The following KIF13B variants were observed in gnomAD, a reference collection of about 807,000 sequenced individuals.
KIF13B encodes the protein kinesin-like protein KIF13B.
KIF13B carries 127 observed loss-of-function variants against 222.0 expected under a neutral mutation model. That is an observed-to-expected ratio of 0.57 (90% CI 0.50 to 0.66). The LOEUF (loss-of-function observed/expected upper bound fraction) is 0.66. Among genes scored for constraint, KIF13B ranks in the 30% least tolerant of loss-of-function variants. The probability of loss-of-function intolerance (pLI) is 0.00; values close to 1 mark genes in which losing one functional copy is unlikely to be tolerated. For missense variants in KIF13B, 2,173 were observed against 2,379.0 expected (o/e 0.91, Z 1.80); for synonymous variants, 976 against 919.0 (o/e 1.06, Z -1.12).
At position 29,070,806 on chromosome 8, in the gene KIF13B, C is replaced by A; in HGVS notation, c.5219-40G>T. On this transcript the variant is annotated intron_variant, in intron 39 of 39. Coordinates refer to ENST00000524189, the MANE Select transcript of KIF13B (RefSeq NM_015254.4). This position sits in a 1 kb window ranked among gnomAD's most constrained non-coding sequence, Gnocchi z 4.1. ...GAGGGTGATATGGAGGGCAGCCGAG[C>A]TGCAGACGGCCCCCTGCACCTCCCT... 1 of 1,569,094 alleles carries A rather than the reference C, an allele frequency of 6.4e-7. No individual in the cohort carries two copies. The highest frequency in any genetic ancestry group is 8.6e-7 in the Non-Finnish European group (1 of 1,157,748).
At chr8:29,188,168 C>G (rs1172027437) in intron 5 of KIF13B, among the ~76,000 whole-genome samples, 2 of 151,796 alleles carry the variant, frequency 1.3e-5, no homozygotes, top group South Asian at 4.2e-4. Flanking sequence ...GAGATATTAA[C>G]AAGTATGTTC....
intron 38 of KIF13B, among the ~76,000 whole-genome samples, chr8:29,072,605 C>G (rs1002364607): frequency 6.6e-6 from 1 of 152,234 alleles, no homozygotes; most frequent in African/African-American, 2.4e-5. Flanking sequence ...CTGCATGGCC[C>G]TGGCTTCCAA....
At chr8:29,123,062 G>A (rs1404343153) in intron 28 of KIF13B, among the ~76,000 whole-genome samples, 2 of 152,136 alleles carry the variant, frequency 1.3e-5, no homozygotes, top group Non-Finnish European at 2.9e-5. Context: ...AGTCTTCTAA[G>A]GGAATGACCC....
chr8:29,156,729 C>T (rs1469088175), intron 13 of KIF13B, among the ~76,000 whole-genome samples: 1 of 149,288 alleles, frequency 6.7e-6, no homozygotes, highest in African/African-American at 2.5e-5. Flanking sequence ...CTATGTTGCT[C>T]AGGTTGATCT....
intron 38 of KIF13B, among the ~76,000 whole-genome samples, chr8:29,073,838 T>C (rs1183419372): frequency 6.6e-6 from 1 of 152,172 alleles, no homozygotes; most frequent in Non-Finnish European, 1.5e-5. Flanking sequence ...TGGCACCTCT[T>C]GAGATTAACA....
At chr8:29,129,302 G>A (rs1209697527) in intron 24 of KIF13B, among the ~76,000 whole-genome samples, 2 of 152,162 alleles carry the variant, frequency 1.3e-5, no homozygotes, top group Non-Finnish European at 2.9e-5. Context: ...AGACTTCGAA[G>A]AAGATACATA....
intron 37 of KIF13B, among the ~76,000 whole-genome samples, chr8:29,088,306 T>G (rs1334102831): frequency 6.6e-6 from 1 of 152,160 alleles, no homozygotes; most frequent in Non-Finnish European, 1.5e-5. Flanking sequence ...TAATACTCAC[T>G]TCATCCAAAA....
intron 10 of KIF13B, among the ~76,000 whole-genome samples, chr8:29,168,774 ACC>A (rs1458239480): frequency 4.6e-5 from 7 of 152,110 alleles, no homozygotes; most frequent in Non-Finnish European, 1.0e-4. Context: ...ATGTGAAACA[ACC>A]CGGCTAGAGC....
At chr8:29,108,340 G>A (rs1211637485) in intron 34 of KIF13B, 148 bp from the exon 35 acceptor site, 1 of 658,550 alleles carries the variant, frequency 1.5e-6, no homozygotes, top group Admixed American at 2.7e-5. Flanking sequence ...GCACACTAGT[G>A]GTCTTTGGGA....
At chr8:29,175,923 TG>T (rs1216433989) in intron 10 of KIF13B, 144 bp downstream of exon 10, 1 of 643,660 alleles carries the variant, frequency 1.6e-6, no homozygotes, top group Non-Finnish European at 2.8e-6. Context: ...CCATCAAAAA[TG>T]TCATTACCAT....
At position 29,118,852 on chromosome 8, in the gene KIF13B, G is replaced by A. The variant is rs1336684990; in HGVS notation, c.3660+16C>T. On this transcript the variant is annotated intron_variant, in intron 30 of 39. Coordinates refer to ENST00000524189, the MANE Select transcript of KIF13B (RefSeq NM_015254.4). ...ACCACTTTTCATCTGACCATCCCAAGTTAGGCTTTCCTTACCTCCCCATCA... is the reference window on the plus strand; with the variant it reads ...ACCACTTTTCATCTGACCATCCCAAATTAGGCTTTCCTTACCTCCCCATCA... 3.1e-6 allele frequency: 5 copies of A among 1,612,946 alleles called. No homozygotes were observed. Among genetic ancestry groups the A allele is most frequent in the Admixed American group, 3.3e-5 (2 of 59,824 alleles).
chr8:29,152,904 T>C (rs910833290), intron 14 of KIF13B, among the ~76,000 whole-genome samples: 1 of 152,194 alleles, frequency 6.6e-6, no homozygotes, highest in Non-Finnish European at 1.5e-5. Flanking sequence ...TTAAGGAATA[T>C]ATATTAAGAT....
intron 14 of KIF13B, among the ~76,000 whole-genome samples, chr8:29,153,636 A>G (rs1236064874): frequency 2.0e-5 from 3 of 151,404 alleles, no homozygotes; most frequent in Admixed American, 2.0e-4. Flanking sequence ...TTAACTTTAC[A>G]TTAAAGGCTC....
chr8:29,128,448 T>G (rs1308706829), intron 24 of KIF13B, among the ~76,000 whole-genome samples: 1 of 152,224 alleles, frequency 6.6e-6, no homozygotes, highest in Non-Finnish European at 1.5e-5. Context: ...AAACTCCATT[T>G]GAGTGGCTGG....
Position 29,249,995 on chromosome 8 carries a change from C to T in KIF13B, c.56-4556G>A, listed in dbSNP as rs28451488. On this transcript the variant is annotated intron_variant, in intron 1 of 39. Coordinates refer to ENST00000524189, the MANE Select transcript of KIF13B (RefSeq NM_015254.4). The stretch of plus-strand genomic sequence containing the variant: ...AACATGCAATTTTACCTCTTCACTT[C>T]CTCAGGCCCAGAGGTCCATGAGAGT... 1.3e-3 allele frequency: 1,710 copies of T among 1,284,430 alleles called. 14 individuals carry two copies. In the African/African-American group the frequency reaches 0.023, roughly 17 times the overall value. The allele number at this position is 1,284,430 out of a possible 1,614,324, so 79.6% of individuals were successfully genotyped here. A position where few individuals can be genotyped will look rare whatever the true frequency, so the allele number is the denominator to read the frequency against.
chr8:29,167,685 C>A, intron 10 of KIF13B, 100 bp from the exon 11 acceptor site: 1 of 915,688 alleles, frequency 1.1e-6, no homozygotes, highest in South Asian at 1.5e-5. Context: ...TTCCCCAGGT[C>A]AAACACATTC....
chr8:29,078,312 A>G (rs1459633345), intron 37 of KIF13B, among the ~76,000 whole-genome samples: 4 of 151,502 alleles, frequency 2.6e-5, no homozygotes, highest in Admixed American at 6.6e-5. Flanking sequence ...AAAAAAAAAA[A>G]AGAGAGAGGA....
chr8:29,122,088 A>G (rs1404595031), intron 29 of KIF13B, among the ~76,000 whole-genome samples: 1 of 151,942 alleles, frequency 6.6e-6, no homozygotes, highest in Non-Finnish European at 1.5e-5. Context: ...CCCCGTCTCT[A>G]CTAAAAATAC....
intron 23 of KIF13B, 71 bp downstream of exon 23, chr8:29,132,237 G>C: frequency 1.7e-6 from 2 of 1,194,636 alleles, no homozygotes; most frequent in Non-Finnish European, 1.1e-6. Flanking sequence ...CAGAGTGAAT[G>C]AGACTGTCTC....
Sources: gnomAD v4.1 joint callset for allele counts (sites outside exome capture counted in the v4.1 genomes callset) on GRCh38, gnomAD v4.1.1 for gene constraint, Gnocchi (gnomAD v3.1) non-coding constraint, MANE v1.5 for transcripts, NCBI Gene and HGNC (gene_info 2026-07-23, HGNC 2026-07-21) for gene names.